GRIA2: variants seen among roughly 807,000 people sequenced by gnomAD.
The protein encoded by GRIA2 is glutamate receptor 2.
GRIA2 carries 14 observed loss-of-function variants against 97.3 expected under a neutral mutation model. The observed-to-expected ratio is 0.14, with a 90% CI of 0.10 to 0.23. The LOEUF is 0.23. Among genes scored for constraint, GRIA2 ranks in the 10% least tolerant of loss-of-function variants. The pLI is 1.00. For missense variants in GRIA2, 558 were observed against 1,069.8 expected (o/e 0.52, Z 6.67); for synonymous variants, 412 against 387.8 (o/e 1.06, Z -0.73).
intron 9 of GRIA2, chr4:157,335,467 A>G: frequency 1.8e-6 from 1 of 563,530 alleles, no homozygotes; most frequent in Non-Finnish European, 3.2e-6. Flanking sequence ...AAGCCGTCTT[A>G]ATGAATTATA....
intron 6 of GRIA2, among the ~76,000 whole-genome samples, chr4:157,330,474 T>G (rs1735001488): frequency 6.6e-6 from 1 of 151,964 alleles, no homozygotes; most frequent in Non-Finnish European, 1.5e-5. Flanking sequence ...CCATGAAAAT[T>G]TATACTGTAG....
intron 2 of GRIA2, among the ~76,000 whole-genome samples, chr4:157,242,728 A>G (rs1241504771): frequency 6.6e-6 from 1 of 152,108 alleles, no homozygotes; most frequent in Non-Finnish European, 1.5e-5. Flanking sequence ...TCTCATTACA[A>G]CATTTTCATC....
rs117267293 is a variant in GRIA2 at position 157,330,350 on chromosome 4, G to A, written c.883-2469G>A. 9.9e-4 allele frequency among the ~76,000 whole-genome samples: 150 copies of A among 151,818 alleles called. 1 individual carries two copies. In the East Asian group the frequency reaches 0.02, roughly 20 times the overall value. ...AAAGTCGCCATTCATGGGAAATATC[G>A]TCACACTTTAATAGTACTTAAATTT... On this transcript the variant is annotated intron_variant, in intron 6 of 15. Coordinates refer to ENST00000264426, the MANE Select transcript of GRIA2 (RefSeq NM_001083619.3).
intron 5 of GRIA2, among the ~76,000 whole-genome samples, chr4:157,318,518 G>T (rs928153259): frequency 2.0e-5 from 3 of 152,084 alleles, no homozygotes; most frequent in Non-Finnish European, 4.4e-5. Flanking sequence ...CTGGGCCGTG[G>T]TCACTCATAT....
intron 2 of GRIA2, among the ~76,000 whole-genome samples, chr4:157,283,135 T>A (rs2126818116): frequency 6.6e-6 from 1 of 152,162 alleles, no homozygotes; most frequent in Non-Finnish European, 1.5e-5. Context: ...TGTAAAAGCT[T>A]TTCCATATAT....
In GRIA2 at chr4:157,355,973, ATATATATT is replaced by A. The variant is rs577990652; in HGVS notation, c.2044-3907_2044-3900del. On this transcript the variant is annotated intron_variant, in intron 12 of 15. Coordinates refer to ENST00000264426, the MANE Select transcript of GRIA2 (RefSeq NM_001083619.3). ...TATTTATATATTTATGTATATTAAT[ATATATATT>A]TATATATTTATATATATTTATATAT... Among the ~76,000 whole-genome samples, 22 of 42,252 alleles carry A rather than the reference ATATATATT, an allele frequency of 5.2e-4. 1 individual carries two copies. Among genetic ancestry groups the A allele is most frequent in the African/African-American group, 4.1e-3 (21 of 5,176 alleles). The allele number at this position is 42,252 out of a possible 152,430, so 27.7% of individuals were successfully genotyped here.
At chr4:157,285,683 A>G (rs1732808574) in intron 2 of GRIA2, among the ~76,000 whole-genome samples, 1 of 151,272 alleles carries the variant, frequency 6.6e-6, no homozygotes, top group Non-Finnish European at 1.5e-5. Flanking sequence ...TATTTCAAAC[A>G]TTTTTTATAT....
At chr4:157,327,257 G>T (rs1734844125) in intron 6 of GRIA2, among the ~76,000 whole-genome samples, 1 of 151,984 alleles carries the variant, frequency 6.6e-6, no homozygotes, top group African/African-American at 2.4e-5. Context: ...GGGATGAAGA[G>T]TAATTATTTG....
chr4:157,241,505 G>T (rs1195976616), intron 2 of GRIA2, among the ~76,000 whole-genome samples: 4 of 152,000 alleles, frequency 2.6e-5, no homozygotes, highest in Non-Finnish European at 5.9e-5. Context: ...ATTTCTTTTA[G>T]TTCTTTCTAG....
intron 2 of GRIA2, among the ~76,000 whole-genome samples, chr4:157,252,474 G>A (rs1483794149): frequency 6.6e-6 from 1 of 152,080 alleles, no homozygotes; most frequent in Non-Finnish European, 1.5e-5. Context: ...AAGTTAAAAA[G>A]AGAATTTTGG....
intron 4 of GRIA2, among the ~76,000 whole-genome samples, chr4:157,315,469 G>T (rs1418299308): frequency 6.6e-6 from 1 of 151,054 alleles, no homozygotes; most frequent in Admixed American, 6.6e-5. Context: ...TGCAACAGTA[G>T]CTTGAAGTTA....
chr4:157,268,503 A>G (rs1731870375), intron 2 of GRIA2, among the ~76,000 whole-genome samples: 1 of 152,056 alleles, frequency 6.6e-6, no homozygotes, highest in Non-Finnish European at 1.5e-5. Flanking sequence ...GTATTAACAT[A>G]CATAAAGAAT....
intron 2 of GRIA2, among the ~76,000 whole-genome samples, chr4:157,298,984 A>G (rs1733491356): frequency 6.6e-6 from 1 of 152,056 alleles, no homozygotes; most frequent in African/African-American, 2.4e-5. Flanking sequence ...ATCCTTGGAG[A>G]AGGTCTTTTT....
intron 12 of GRIA2, among the ~76,000 whole-genome samples, chr4:157,354,544 C>T (rs1178056561): frequency 6.6e-6 from 1 of 152,146 alleles, no homozygotes; most frequent in Non-Finnish European, 1.5e-5. Flanking sequence ...AGAAACTTGA[C>T]TTCTTAAGAA....
intron 2 of GRIA2, among the ~76,000 whole-genome samples, chr4:157,266,842 T>A (rs1731793403): frequency 6.6e-6 from 1 of 151,876 alleles, no homozygotes; most frequent in Non-Finnish European, 1.5e-5. Flanking sequence ...GCGGATTGCT[T>A]GAGGCCAGGA....
At chr4:157,250,351 A>G (rs1207814019) in intron 2 of GRIA2, among the ~76,000 whole-genome samples, 2 of 152,138 alleles carry the variant, frequency 1.3e-5, no homozygotes, top group Non-Finnish European at 2.9e-5. Context: ...GAAAGAGAGT[A>G]TTGGGCTGTT....
chr4:157,362,853 G>T lies in GRIA2; in HGVS notation c.2461G>T (p.Val821Phe). ...CGTTGCTGGAGTATTCTACATCCTT[G>T]TCGGGGGCCTTGGTTTGGCAATGCT... ...SNVAGVFYILVGGLGLAMLVA... is the reference protein window; with the variant it reads ...SNVAGVFYILFGGLGLAMLVA... Residue 821 changes from valine (V) to phenylalanine (F), a missense_variant, in exon 15 of 16, where the codon GTC becomes TTC. Val to Phe is a conservative substitution (Grantham distance 50). This residue lies in a region of GRIA2 where 54 missense variants were observed against 82.1 expected (regional missense o/e 0.66). Transcript: ENST00000264426. 6.2e-7 allele frequency: 1 copy of T among 1,613,448 alleles called. No homozygotes were observed. Among genetic ancestry groups the T allele is most frequent in the Non-Finnish European group, 8.5e-7 (1 of 1,179,592 alleles).
chr4:157,361,667 G>A lies in GRIA2; in HGVS notation c.2406+543G>A, dbSNP rs146142130. 2 of 1,574,428 alleles carry A rather than the reference G, an allele frequency of 1.3e-6. No individual in the cohort carries two copies. Among genetic ancestry groups the A allele is most frequent in the African/African-American group, 1.3e-5 (1 of 74,160 alleles). ...CTGGAAGTAAGGTCAGTTGCTGCAG[G>A]TTTTATGTGAAAAAACAAAATCAAA... is the stretch of plus-strand genomic sequence containing the variant. On this transcript the variant is annotated intron_variant, in intron 14 of 15. Coordinates refer to ENST00000264426, the MANE Select transcript of GRIA2 (RefSeq NM_001083619.3). The surrounding 1 kb of genome is among the most constrained non-coding windows in gnomAD (Gnocchi z 5.2).
chr4:157,247,389 T>C (rs1252140720), intron 2 of GRIA2, among the ~76,000 whole-genome samples: 1 of 152,112 alleles, frequency 6.6e-6, no homozygotes, highest in African/African-American at 2.4e-5. Context: ...TTTGTGTAAA[T>C]GTGGGGGTAG....
Sources: gnomAD v4.1 joint callset for allele counts (sites outside exome capture counted in the v4.1 genomes callset) on GRCh38, gnomAD v4.1.1 for gene constraint, gnomAD v4.1.1 regional missense constraint, Gnocchi (gnomAD v3.1) non-coding constraint, MANE v1.5 for transcripts, NCBI Gene and HGNC (gene_info 2026-07-23, HGNC 2026-07-21) for gene names.